ZFPM2: variants seen among roughly 807,000 people sequenced by gnomAD.
The protein encoded by ZFPM2 is zinc finger protein ZFPM2.
Under a neutral mutation model 98.6 loss-of-function variants are expected in ZFPM2, and 20 were observed. The ratio of observed to expected loss-of-function variants is 0.20; its 90% CI spans 0.14 to 0.29. ZFPM2 has a LOEUF of 0.29. Ranked by LOEUF, ZFPM2 falls within the 10% of genes least tolerant of loss-of-function variation. The pLI, the probability that ZFPM2 is intolerant of heterozygous loss-of-function variation, is 1.00. For synonymous variants in ZFPM2, 518 were observed against 502.7 expected (o/e 1.03, Z -0.41); for missense variants, 1,310 against 1,388.6 (o/e 0.94, Z 0.90).
At chr8:105,473,033 T>C (rs1160274770) in intron 3 of ZFPM2, among the ~76,000 whole-genome samples, 1 of 151,918 alleles carries the variant, frequency 6.6e-6, no homozygotes, top group African/African-American at 2.4e-5. Context: ...TGGCTAGGAC[T>C]ACAGGCACAC....
At chr8:105,662,052 G>A (rs1034027600) in intron 5 of ZFPM2, among the ~76,000 whole-genome samples, 7 of 152,064 alleles carry the variant, frequency 4.6e-5, no homozygotes, top group African/African-American at 1.2e-4. Context: ...GAATGGGGGC[G>A]ATAAGGCGAA....
intron 1 of ZFPM2, among the ~76,000 whole-genome samples, chr8:105,401,948 CAT>C (rs1391391639): frequency 6.6e-6 from 1 of 151,990 alleles, no homozygotes; most frequent in Non-Finnish European, 1.5e-5. Context: ...AGCATGGTAA[CAT>C]GTAATTTTGT....
chr8:105,699,778 TTAATC>T (rs776514659), intron 5 of ZFPM2, among the ~76,000 whole-genome samples: 22 of 152,134 alleles, frequency 1.4e-4, no homozygotes, highest in Admixed American at 5.9e-4. Context: ...TTGAAAAAAA[TTAATC>T]TAAACTAGCT....
intron 3 of ZFPM2, among the ~76,000 whole-genome samples, chr8:105,520,519 A>G (rs1814029416): frequency 6.6e-6 from 1 of 152,180 alleles, no homozygotes; most frequent in African/African-American, 2.4e-5. Context: ...TAATTAAGTT[A>G]CACATTGTGG....
At chr8:105,584,225 GT>G (rs2130749267) in intron 4 of ZFPM2, among the ~76,000 whole-genome samples, 1 of 152,070 alleles carries the variant, frequency 6.6e-6, no homozygotes, top group South Asian at 2.1e-4. Flanking sequence ...GTAATTAAAT[GT>G]TTTTAAGGTT....
At chr8:105,478,140 G>T (rs557038739) in intron 3 of ZFPM2, among the ~76,000 whole-genome samples, 1 of 152,192 alleles carries the variant, frequency 6.6e-6, no homozygotes, top group South Asian at 2.1e-4. Context: ...TCTTAAATGC[G>T]GCTGACCACG....
intron 5 of ZFPM2, among the ~76,000 whole-genome samples, chr8:105,671,570 C>T (rs1738379958): frequency 1.3e-5 from 2 of 152,054 alleles, no homozygotes; most frequent in African/African-American, 4.8e-5. Flanking sequence ...TTGTCAAATT[C>T]ATGCATCTTT....
Position 105,798,805 on chromosome 8 carries a change from G to A in ZFPM2, c.821G>A (p.Ser274Asn). 6.2e-7 allele frequency: 1 copy of A among 1,613,934 alleles called. No individual in the cohort carries two copies. Among genetic ancestry groups the A allele is most frequent in the Non-Finnish European group, 8.5e-7 (1 of 1,179,862 alleles). The change falls in exon 7 of 8, where the codon AGT becomes AAT. Residue 274 changes from serine (S) to asparagine (N), a missense_variant. Coordinates refer to ENST00000407775, the MANE Select transcript of ZFPM2 (RefSeq NM_012082.4). ...CAGGCCCATTTGATGTACTACTGCAGTGGGAGGCAAAGAGAAGCTGCTCCG... is the reference window on the plus strand; with the variant it reads ...CAGGCCCATTTGATGTACTACTGCAATGGGAGGCAAAGAGAAGCTGCTCCG... Reference protein sequence around the residue: ...NLQAHLMYYCSGRQREAAPVS... With the variant: ...NLQAHLMYYCNGRQREAAPVS...
chr8:105,663,073 C>T (rs1817423752), intron 5 of ZFPM2: 1 of 152,148 alleles, frequency 6.6e-6, no homozygotes. Flanking sequence ...TGCCTGATAG[C>T]CTGCTCTTCA....
chr8:105,475,343 G>A (rs1318541238), intron 3 of ZFPM2, among the ~76,000 whole-genome samples: 1 of 152,136 alleles, frequency 6.6e-6, no homozygotes, highest in African/African-American at 2.4e-5. Flanking sequence ...TTGAAGTTAC[G>A]TTTGACCTAG....
At chr8:105,359,187 G>A (rs902872301) in intron 1 of ZFPM2, among the ~76,000 whole-genome samples, 1 of 151,898 alleles carries the variant, frequency 6.6e-6, no homozygotes. Context: ...TTTTCCCCAT[G>A]CTCGACTTCT....
chr8:105,464,424 T>C (rs2130316775), intron 3 of ZFPM2, among the ~76,000 whole-genome samples: 1 of 152,114 alleles, frequency 6.6e-6, no homozygotes, highest in Non-Finnish European at 1.5e-5. Flanking sequence ...TGCTATTCAA[T>C]AGGGAGCTCT....
chr8:105,514,395 G>A (rs1693451364), intron 3 of ZFPM2, among the ~76,000 whole-genome samples: 1 of 147,614 alleles, frequency 6.8e-6, no homozygotes, highest in Non-Finnish European at 1.5e-5. Flanking sequence ...GGAGATTTAA[G>A]CAGATAAATT....
At chr8:105,751,158 C>T (rs1319485102) in intron 5 of ZFPM2, among the ~76,000 whole-genome samples, 2 of 152,044 alleles carry the variant, frequency 1.3e-5, no homozygotes, top group African/African-American at 4.8e-5. Flanking sequence ...AACATTTGTA[C>T]TAATGCTCAA....
chr8:105,721,552 G>T (rs1811665080), intron 5 of ZFPM2, among the ~76,000 whole-genome samples: 1 of 151,840 alleles, frequency 6.6e-6, no homozygotes, highest in Non-Finnish European at 1.5e-5. Context: ...GGAGCAATTT[G>T]AAAATAGGAA....
intron 5 of ZFPM2, among the ~76,000 whole-genome samples, chr8:105,716,459 T>C (rs1811526477): frequency 6.6e-6 from 1 of 152,048 alleles, no homozygotes; most frequent in African/African-American, 2.4e-5. Flanking sequence ...TGTTTACATA[T>C]ATGTCTGTGT....
intron 1 of ZFPM2, among the ~76,000 whole-genome samples, chr8:105,401,350 T>G (rs753767917): frequency 2.0e-5 from 3 of 152,152 alleles, no homozygotes; most frequent in Admixed American, 6.6e-5. Flanking sequence ...ATTTTCAAGT[T>G]TGTTAGTATA....
At chr8:105,789,349 CTTG>C in intron 6 of ZFPM2, among the ~76,000 whole-genome samples, 1 of 151,764 alleles carries the variant, frequency 6.6e-6, no homozygotes, top group African/African-American at 2.4e-5. Context: ...GGTTTTTGTT[CTTG>C]CGATAGTTTA....
At chr8:105,607,027 A>G (rs6981187) in intron 4 of ZFPM2, among the ~76,000 whole-genome samples, 46,013 of 151,872 alleles carry the variant, frequency 0.3, 7,273 homozygotes, top group South Asian at 0.41. Flanking sequence ...GACCATACCA[A>G]TTTTCTAATA....
Sources: gnomAD v4.1 joint callset for allele counts (sites outside exome capture counted in the v4.1 genomes callset) on GRCh38, gnomAD v4.1.1 for gene constraint, MANE v1.5 for transcripts, NCBI Gene and HGNC (gene_info 2026-07-23, HGNC 2026-07-21) for gene names.